The following SYCP2 variants were observed in gnomAD, a reference collection of about 807,000 sequenced individuals.
The protein encoded by SYCP2 is synaptonemal complex protein 2.
A neutral mutation model predicts 211.3 loss-of-function variants in SYCP2; 55 were observed. That is an observed-to-expected ratio of 0.26 (90% CI 0.21 to 0.33). SYCP2 has a LOEUF of 0.33. Among genes scored for constraint, SYCP2 ranks in the 10% least tolerant of loss-of-function variants. SYCP2 has a pLI of 1.00. For missense variants in SYCP2, 1,731 were observed against 1,752.0 expected, an observed-to-expected ratio of 0.99 and a Z score of 0.21; for synonymous variants, 570 against 555.2, an observed-to-expected ratio of 1.03 and a Z score of -0.37.
At chr20:59,911,311 A>C (rs2060320521) in intron 14 of SYCP2, among the ~76,000 whole-genome samples, 1 of 152,122 alleles carries the variant, frequency 6.6e-6, no homozygotes, top group Non-Finnish European at 1.5e-5. Flanking sequence ...AAAAAACTAA[A>C]ATTAACTCCC....
intron 44 of SYCP2, 22 bp from the exon 45 acceptor site, chr20:59,864,410 TCA>T (rs770112327): frequency 1.6e-5 from 24 of 1,474,006 alleles, no homozygotes; most frequent in East Asian, 4.6e-5. Flanking sequence ...AAAAAAAAAA[TCA>T]CACTTAGATT....
At position 59,882,120 on chromosome 20, in the gene SYCP2, C is replaced by A. The variant is rs570952952; in HGVS notation, c.2575G>T (p.Val859Phe). 1.2e-6 allele frequency: 2 copies of A among 1,612,796 alleles called. No homozygotes were observed. The highest frequency in any genetic ancestry group is 2.7e-5 in the African/African-American group (2 of 74,946). Residue 859 changes from valine (V) to phenylalanine (F), a missense_variant, in exon 27 of 45, where the codon GTT becomes TTT. Transcript: ENST00000357552. ...KSYRKLKTTF[V>F]NVTSECPVND... ...ACTGGGCATTCAGAAGTAACATTAACAAAGGTAGTCTTCAGTTTTCTGTAG... is the reference window on the plus strand; with the variant it reads ...ACTGGGCATTCAGAAGTAACATTAAAAAAGGTAGTCTTCAGTTTTCTGTAG...
Position 59,912,874 on chromosome 20 carries a change from ATTCT to A in SYCP2, c.831-460_831-457del, listed in dbSNP as rs555950080. Among the ~76,000 whole-genome samples the A allele has an allele frequency of 3.9e-4, 59 of 152,232 alleles. No individual in the cohort carries two copies. The Middle Eastern group carries it at 0.017, about 44-fold the overall frequency. Reference sequence around the variant, plus strand: ...GGGTTTCCCCTTTTGCATCTTCCTCATTCTTTCTTTGCCTGCTGCTATCCACGTA... The same window carrying A: ...GGGTTTCCCCTTTTGCATCTTCCTCATTCTTTGCCTGCTGCTATCCACGTA... On this transcript the variant is annotated intron_variant, in intron 12 of 44. Transcript: ENST00000357552.
At chr20:59,868,968 A>T (rs1391201343) in intron 36 of SYCP2, 43 bp from the exon 37 acceptor site, 1 of 1,406,332 alleles carries the variant, frequency 7.1e-7, no homozygotes, top group South Asian at 1.2e-5. Context: ...CCGTAAATAT[A>T]TTTCAATTCA....
rs573653834 is a variant in SYCP2 at position 59,882,159 on chromosome 20, C to T, written c.2536G>A (p.Val846Ile). 1 of 1,610,322 alleles carries T rather than the reference C, an allele frequency of 6.2e-7. No homozygotes were observed. Among genetic ancestry groups the T allele is most frequent in the East Asian group, 2.2e-5 (1 of 44,692 alleles). ...KPVVQLSKEK[V>I]QKKSYRKLKT... ...AGTTTTCTGTAGCTTTTTTTCTGAA[C>T]TTTTTCCTGAAAAGAGGGTTATAAA... The change falls in exon 27 of 45, where the codon GTT becomes ATT. Residue 846 changes from valine to isoleucine, a missense_variant. Around this residue, in one of 3 missense-constraint regions of SYCP2, gnomAD observed 1,387 missense variants for 1,351.3 expected, o/e 1.03. Coordinates refer to ENST00000357552, the MANE Select transcript of SYCP2 (RefSeq NM_014258.4).
intron 33 of SYCP2, among the ~76,000 whole-genome samples, chr20:59,876,170 A>C (rs972309011): frequency 8.6e-5 from 13 of 151,756 alleles, no homozygotes; most frequent in Non-Finnish European, 1.9e-4. Context: ...CAAGAGATCG[A>C]GACCATCCTG....
In SYCP2 at chr20:59,912,429, A is replaced by T. The variant is rs1275036657; in HGVS notation, c.831-11T>A. The T allele has an allele frequency of 1.0e-6, 1 of 1,004,696 alleles. No individual in the cohort carries two copies. Among genetic ancestry groups the T allele is most frequent in the Admixed American group, 2.6e-5 (1 of 37,802 alleles). 62.2% of individuals were successfully genotyped at this position (1,004,696 alleles called of 1,614,324 possible). A position where few individuals can be genotyped will look rare whatever the true frequency, so the allele number is the denominator to read the frequency against. ...GGAAATGTAAAGACCCTGAAATAAA[A>T]AGTAGTTTAAGAAAAAAATAAATAA... On this transcript the variant is annotated splice_polypyrimidine_tract_variant and intron_variant, in intron 12 of 44. Coordinates refer to ENST00000357552, the MANE Select transcript of SYCP2 (RefSeq NM_014258.4).
intron 32 of SYCP2, 111 bp downstream of exon 32, chr20:59,877,897 A>C (rs2059591723): frequency 2.3e-6 from 2 of 851,086 alleles, no homozygotes; most frequent in Non-Finnish European, 3.7e-6. Context: ...GAAGAGGTAC[A>C]TAAAACACAT....
intron 34 of SYCP2, among the ~76,000 whole-genome samples, chr20:59,874,310 A>AT (rs1178473888): frequency 6.6e-6 from 1 of 152,120 alleles, no homozygotes; most frequent in Non-Finnish European, 1.5e-5. Context: ...TTCCAACAAA[A>AT]ATATCTACAG....
chr20:59,920,336 T>A (rs756674263), intron 5 of SYCP2, 23 bp downstream of exon 5: 77 of 1,542,268 alleles, frequency 5.0e-5, no homozygotes, highest in Non-Finnish European at 6.2e-5. Flanking sequence ...TTCACATGAA[T>A]ATGTTACATA....
intron 14 of SYCP2, among the ~76,000 whole-genome samples, chr20:59,910,101 C>A (rs2060287716): frequency 6.6e-6 from 1 of 152,110 alleles, no homozygotes; most frequent in South Asian, 2.1e-4. Context: ...AGCCAGAGAC[C>A]AGGCCACAAA....
At chr20:59,882,198 G>A (rs1180914135) in intron 26 of SYCP2, 33 bp from the exon 27 acceptor site, 2 of 1,491,952 alleles carry the variant, frequency 1.3e-6, no homozygotes, top group Non-Finnish European at 1.9e-6. Flanking sequence ...ATCATTAAAT[G>A]GCTAACAGGT....
chr20:59,867,828 T>A lies in SYCP2; in HGVS notation c.4008A>T (p.Ser1336=). Residue 1336 remains serine (S), a synonymous_variant, in exon 39 of 45, where the codon TCA becomes TCT. Transcript: ENST00000357552. ...GAATAGAAAAGTCATTTGTTGATAATGAAGATACACTTTCAGACACTAAAA... is the reference window on the plus strand; with the variant it reads ...GAATAGAAAAGTCATTTGTTGATAAAGAAGATACACTTTCAGACACTAAAA... ...HIHKMSESVS[S]LSTNDFSIPW... is the part of the protein sequence containing the mutation. 13 of 1,608,088 alleles carry A rather than the reference T, an allele frequency of 8.1e-6. No individual in the cohort carries two copies. Among genetic ancestry groups the A allele is most frequent in the Non-Finnish European group, 1.1e-5 (13 of 1,176,108 alleles).
intron 1 of SYCP2, among the ~76,000 whole-genome samples, chr20:59,933,069 GC>G (rs1034818469): frequency 1.3e-5 from 2 of 151,788 alleles, no homozygotes; most frequent in African/African-American, 4.8e-5. Flanking sequence ...AGGCCGCAGC[GC>G]CAACCCCCCT....
At position 59,865,800 on chromosome 20, in the gene SYCP2, T is replaced by C. The variant is rs769355206; in HGVS notation, c.4379+7A>G. 1.4e-6 allele frequency: 2 copies of C among 1,391,086 alleles called. No individual in the cohort carries two copies. Among genetic ancestry groups the C allele is most frequent in the Non-Finnish European group, 1.9e-6 (2 of 1,043,338 alleles). 86.2% of individuals were successfully genotyped at this position (1,391,086 alleles called of 1,614,324 possible). A position where few individuals can be genotyped will look rare whatever the true frequency, so the allele number is the denominator to read the frequency against. On this transcript the variant is annotated splice_region_variant and intron_variant, in intron 42 of 44. Transcript: ENST00000357552. Reference sequence around the variant, plus strand: ...TAGATTATAGCCATTAAGAATGTCATACTAACCTCTGTTGTTCGCTTTTTT... The same window carrying C: ...TAGATTATAGCCATTAAGAATGTCACACTAACCTCTGTTGTTCGCTTTTTT...
intron 35 of SYCP2, among the ~76,000 whole-genome samples, chr20:59,871,935 T>C (rs934859145): frequency 2.0e-5 from 3 of 151,118 alleles, no homozygotes; most frequent in African/African-American, 7.3e-5. Context: ...ACTATATTGA[T>C]AAAGGATCAC....
chr20:59,877,282 T>G, intron 33 of SYCP2, 103 bp downstream of exon 33: 1 of 813,712 alleles, frequency 1.2e-6, no homozygotes, highest in Non-Finnish European at 1.7e-6. Context: ...TAAAAGAAGT[T>G]AACTCTTAAG....
At chr20:59,915,741 A>G (rs1228972885) in intron 8 of SYCP2, 191 bp from the exon 9 acceptor site, 1 of 399,680 alleles carries the variant, frequency 2.5e-6, no homozygotes. Flanking sequence ...TCACTATAAT[A>G]CCAGCACTTT....
intron 22 of SYCP2, among the ~76,000 whole-genome samples, 161 bp downstream of exon 22, chr20:59,892,981 G>GA (rs1361200934): frequency 1.3e-5 from 2 of 151,700 alleles, no homozygotes; most frequent in Non-Finnish European, 2.9e-5. Flanking sequence ...ACCACATGGG[G>GA]AAAAAACCAT....
Sources: allele counts gnomAD v4.1 joint callset (sites outside exome capture counted in the v4.1 genomes callset), GRCh38; gene constraint gnomAD v4.1.1; regional missense constraint gnomAD v4.1.1; transcripts MANE v1.5; gene names NCBI Gene and HGNC (gene_info 2026-07-23, HGNC 2026-07-21).